SOX5: variants seen among roughly 807,000 people sequenced by gnomAD.
The protein encoded by SOX5 is transcription factor SOX-5.
A neutral mutation model predicts 92.0 loss-of-function variants in SOX5; 9 were observed. The ratio of observed to expected loss-of-function variants is 0.10; its 90% CI spans 0.06 to 0.17. The LOEUF (loss-of-function observed/expected upper bound fraction) is 0.17. SOX5 is among the 10% of genes least tolerant of loss of function. SOX5 has a pLI of 1.00. For missense variants in SOX5, 642 were observed against 944.5 expected, an observed-to-expected ratio of 0.68 and a Z score of 4.20; for synonymous variants, 344 against 336.3, an observed-to-expected ratio of 1.02 and a Z score of -0.25.
chr12:23,686,991 T>C (rs2087717881), intron 6 of SOX5, among the ~76,000 whole-genome samples: 1 of 152,056 alleles, frequency 6.6e-6, no homozygotes, highest in African/African-American at 2.4e-5. Context: ...AAGTTATACA[T>C]GGATTATTGT....
chr12:24,001,916 A>T lies in SOX5; in HGVS notation c.-1-105892T>A, dbSNP rs544469897. 7.2e-5 allele frequency among the ~76,000 whole-genome samples: 11 copies of T among 152,284 alleles called. No homozygotes were observed. In the East Asian group the frequency reaches 2.1e-3, roughly 29 times the overall value. On this transcript the variant is annotated intron_variant, in intron 4 of 4. Coordinates refer to the SOX5 transcript ENST00000446891. ...GAGTTCAAAGTTGCAGTAAGCTATG[A>T]TCACATCATTGTACCCTAGCCTGGG...
chr12:24,522,591 T>C (rs80081461), intron 1 of SOX5, among the ~76,000 whole-genome samples: 2 of 152,124 alleles, frequency 1.3e-5, no homozygotes, highest in Non-Finnish European at 2.9e-5. Context: ...CAAGTGGCAT[T>C]TATCCCGGGG....
chr12:24,298,704 C>G (rs142561447), intron 2 of SOX5, among the ~76,000 whole-genome samples: 32 of 144,562 alleles, frequency 2.2e-4, no homozygotes, highest in Non-Finnish European at 4.0e-4. Context: ...GAGAGAAGAA[C>G]TTGCATTTAT....
At chr12:24,295,160 A>G (rs1356119290) in intron 2 of SOX5, among the ~76,000 whole-genome samples, 1 of 152,136 alleles carries the variant, frequency 6.6e-6, no homozygotes, top group Non-Finnish European at 1.5e-5. Context: ...ATGAGTAAAT[A>G]TAAGTATATA....
chr12:23,648,249 G>C (rs1406245079), intron 7 of SOX5, among the ~76,000 whole-genome samples: 1 of 152,170 alleles, frequency 6.6e-6, no homozygotes. Flanking sequence ...TGACAGACTT[G>C]CTCTATGCAG....
At chr12:24,548,209 C>T (rs1034310993) in intron 1 of SOX5, among the ~76,000 whole-genome samples, 7 of 152,192 alleles carry the variant, frequency 4.6e-5, no homozygotes, top group African/African-American at 1.7e-4. Flanking sequence ...GCTACAGCAT[C>T]GATGTCCCTT....
chr12:24,022,938 CA>C lies in SOX5; in HGVS notation c.-1-126915del, dbSNP rs201693809. On this transcript the variant is annotated intron_variant, in intron 4 of 4. Coordinates refer to the SOX5 transcript ENST00000446891. The stretch of plus-strand genomic sequence containing the variant: ...ACCATGGGTAAAAAAAAAAAACTGG[CA>C]TGCTTTCCTCCTTAAAATTTTATTG... Among the ~76,000 whole-genome samples the C allele has an allele frequency of 4.4e-3, 672 of 151,350 alleles. 5 individuals are homozygous for C. Among genetic ancestry groups the C allele is most frequent in the African/African-American group, 0.016 (641 of 41,270 alleles).
intron 6 of SOX5, among the ~76,000 whole-genome samples, chr12:23,728,802 T>A (rs1364125338): frequency 6.6e-6 from 1 of 152,062 alleles, no homozygotes; most frequent in Non-Finnish European, 1.5e-5. Context: ...AAAATAAAAA[T>A]GAACTGAGCC....
chr12:24,176,970 GTTTT>G, intron 4 of SOX5, among the ~76,000 whole-genome samples: 1 of 56,880 alleles, frequency 1.8e-5, no homozygotes, highest in Admixed American at 2.4e-4. Context: ...GTCAAGTTTT[GTTTT>G]TTGTTTTTTT....
chr12:24,399,527 A>C (rs1483412739), intron 1 of SOX5, among the ~76,000 whole-genome samples: 1 of 152,234 alleles, frequency 6.6e-6, no homozygotes, highest in African/African-American at 2.4e-5. Flanking sequence ...CGTGAGTACA[A>C]ATTTTCTAGA....
chr12:24,227,688 C>T (rs1283623354), intron 3 of SOX5: 3 of 152,152 alleles, frequency 2.0e-5, no homozygotes, highest in African/African-American at 7.2e-5. Context: ...TTTGCTGTCT[C>T]ATCATCTAAT....
chr12:24,065,492 C>T (rs980220058), intron 4 of SOX5, among the ~76,000 whole-genome samples: 15 of 151,498 alleles, frequency 9.9e-5, no homozygotes, highest in Middle Eastern at 3.4e-3. Context: ...ACTAAAAATA[C>T]GAAAATTAGC....
At chr12:24,005,982 G>T (rs1952113469) in intron 4 of SOX5, among the ~76,000 whole-genome samples, 1 of 152,082 alleles carries the variant, frequency 6.6e-6, no homozygotes, top group South Asian at 2.1e-4. Context: ...CCTTCAATCT[G>T]CACGTAGAAT....
intron 1 of SOX5, among the ~76,000 whole-genome samples, chr12:24,407,957 T>C (rs958468309): frequency 1.3e-5 from 2 of 152,182 alleles, no homozygotes; most frequent in East Asian, 3.8e-4. Context: ...GGTTAGGGAA[T>C]CACTCATGAC....
At chr12:23,755,899 G>A (rs187585822) in intron 3 of SOX5, among the ~76,000 whole-genome samples, 175 bp from the exon 4 acceptor site, 1 of 151,750 alleles carries the variant, frequency 6.6e-6, no homozygotes, top group Non-Finnish European at 1.5e-5. Flanking sequence ...GTCACCTGCT[G>A]TTTCAAAATC....
At chr12:24,236,072 G>A (rs1327820558) in intron 3 of SOX5, among the ~76,000 whole-genome samples, 1 of 152,028 alleles carries the variant, frequency 6.6e-6, no homozygotes, top group Non-Finnish European at 1.5e-5. Context: ...GGCACCTGTA[G>A]TCCCAGCTAC....
chr12:23,786,957 A>C (rs1255739432), intron 3 of SOX5, among the ~76,000 whole-genome samples: 1 of 145,790 alleles, frequency 6.9e-6, no homozygotes. Context: ...CTGTGATCAC[A>C]GTTGGAGAAC....
intron 4 of SOX5, among the ~76,000 whole-genome samples, chr12:23,961,187 T>C (rs931890534): frequency 2.0e-5 from 3 of 152,190 alleles, no homozygotes; most frequent in Admixed American, 2.0e-4. Context: ...ATGATAATCC[T>C]GAATTTATTT....
intron 1 of SOX5, among the ~76,000 whole-genome samples, chr12:24,498,898 C>T (rs1448456998): frequency 6.6e-6 from 1 of 152,150 alleles, no homozygotes; most frequent in Non-Finnish European, 1.5e-5. Flanking sequence ...TCTTGGAACA[C>T]ACCAAAATTT....
Sources: gnomAD v4.1 joint callset for allele counts (sites outside exome capture counted in the v4.1 genomes callset) on GRCh38, gnomAD v4.1.1 for gene constraint, MANE v1.5 for transcripts, NCBI Gene and HGNC (gene_info 2026-07-23, HGNC 2026-07-21) for gene names.